The following GOLGA4 variants were observed in gnomAD, a reference collection of about 807,000 sequenced individuals.
GOLGA4 encodes golgin subfamily A member 4.
GOLGA4 carries 169 observed loss-of-function variants against 265.9 expected under a neutral mutation model. The observed-to-expected ratio is 0.64, with a 90% confidence interval of 0.56 to 0.72. The LOEUF (loss-of-function observed/expected upper bound fraction) is 0.72. Among genes scored for constraint, GOLGA4 ranks in the 30% least tolerant of loss-of-function variants. The probability of loss-of-function intolerance (pLI) is 0.00; values close to 1 mark genes in which losing one functional copy is unlikely to be tolerated. For missense variants in GOLGA4, 2,482 were observed against 2,483.4 expected (o/e 1.00, Z 0.01); for synonymous variants, 923 against 855.8 (o/e 1.08, Z -1.37).
intron 2 of GOLGA4, among the ~76,000 whole-genome samples, chr3:37,257,036 T>C (rs2096750775): frequency 6.6e-6 from 1 of 152,158 alleles, no homozygotes; most frequent in Non-Finnish European, 1.5e-5. Context: ...AACATTTCCA[T>C]CACCCCAAAA....
In GOLGA4 at chr3:37,289,311, A is replaced by T; in HGVS notation, c.582+20A>T. The T allele has an allele frequency of 7.0e-7, 1 of 1,422,702 alleles. No individual in the cohort carries two copies. The highest frequency in any genetic ancestry group is 9.9e-7 in the Non-Finnish European group (1 of 1,013,686). The allele number at this position is 1,422,702 out of a possible 1,614,324, so 88.1% of individuals were successfully genotyped here. ...AGAGAGGTAAGTTTCAGTGATGAGT[A>T]CTTTGAAAATAGTAATTAAATCTCA... On this transcript the variant is annotated intron_variant, in intron 5 of 23. Transcript: ENST00000361924.
rs943481698 is a variant in GOLGA4 at position 37,243,291 on chromosome 3, C to T, written c.-260C>T. 26 of 538,152 alleles carry T rather than the reference C, an allele frequency of 4.8e-5. No homozygotes were observed. Among genetic ancestry groups the T allele is most frequent in the South Asian group, 2.1e-4 (9 of 43,242 alleles). 33.3% of individuals were successfully genotyped at this position (538,152 alleles called of 1,614,324 possible). A position where few individuals can be genotyped will look rare whatever the true frequency, so the allele number is the denominator to read the frequency against. The stretch of plus-strand genomic sequence containing the variant: ...CGCACAGTTCACCTGCTGCCGTTGT[C>T]GTCGCCGCCGCGGCTCCCGGGGCTG... On this transcript the variant is annotated 5_prime_UTR_variant, in exon 1 of 24. Coordinates refer to ENST00000361924, the MANE Select transcript of GOLGA4 (RefSeq NM_002078.5).
chr3:37,323,481 G>A (rs2096961051), intron 13 of GOLGA4, 107 bp from the exon 14 acceptor site: 1 of 660,284 alleles, frequency 1.5e-6, no homozygotes, highest in South Asian at 2.3e-5. Flanking sequence ...CTAGTGTTTG[G>A]TATGATAATT....
At chr3:37,349,663 CT>C (rs1344599190) in intron 21 of GOLGA4, among the ~76,000 whole-genome samples, 2 of 152,102 alleles carry the variant, frequency 1.3e-5, no homozygotes, top group Non-Finnish European at 2.9e-5. Context: ...AAGATCAGAG[CT>C]GTTTTTAGAC....
intron 1 of GOLGA4, among the ~76,000 whole-genome samples, chr3:37,247,904 T>C (rs1420232167): frequency 6.6e-6 from 1 of 152,208 alleles, no homozygotes; most frequent in African/African-American, 2.4e-5. Flanking sequence ...CAGAAGTACG[T>C]CCCTCTGCCC....
At chr3:37,286,138 CTTTTTT>C (rs71094903) in intron 4 of GOLGA4, 77 bp downstream of exon 4, 67 of 225,672 alleles carry the variant, frequency 3.0e-4, no homozygotes, top group South Asian at 7.2e-4. Flanking sequence ...ATATTTCTTT[CTTTTTT>C]TTTTTTTTTT....
At position 37,260,893 on chromosome 3, in the gene GOLGA4, G is replaced by A. The variant is rs140674811; in HGVS notation, c.162+9409G>A. On this transcript the variant is annotated intron_variant, in intron 2 of 23. Coordinates refer to ENST00000361924, the MANE Select transcript of GOLGA4 (RefSeq NM_002078.5). The stretch of plus-strand genomic sequence containing the variant: ...ATGGGAAAGGACTGCTAGGCTGGAT[G>A]TGGTGGCTCACACCTGTAATCCCGG... Among the ~76,000 whole-genome samples, 675 of 152,092 alleles carry A rather than the reference G, an allele frequency of 4.4e-3. 3 individuals carry two copies. Among genetic ancestry groups the A allele is most frequent in the African/African-American group, 0.015 (638 of 41,476 alleles).
At chr3:37,345,933 C>T (rs1224308594) in intron 20 of GOLGA4, among the ~76,000 whole-genome samples, 1 of 148,122 alleles carries the variant, frequency 6.8e-6, no homozygotes, top group Non-Finnish European at 1.5e-5. Flanking sequence ...GGCGACAGAG[C>T]GAGACTCCAT....
At chr3:37,365,880 A>G (rs1213299089) in intron 23 of GOLGA4, among the ~76,000 whole-genome samples, 200 bp from the exon 24 acceptor site, 2 of 148,440 alleles carry the variant, frequency 1.3e-5, no homozygotes, top group African/African-American at 5.0e-5. Flanking sequence ...TGATTCTCCC[A>G]TCTTGGCCTC....
chr3:37,362,905 C>G (rs903014121), intron 23 of GOLGA4, among the ~76,000 whole-genome samples: 1 of 151,204 alleles, frequency 6.6e-6, no homozygotes, highest in African/African-American at 2.4e-5. Flanking sequence ...CCCTCAGCCT[C>G]CTGAGTAGCT....
At chr3:37,334,920 T>G (rs975365160) in intron 16 of GOLGA4, 133 bp from the exon 17 acceptor site, 27 of 577,188 alleles carry the variant, frequency 4.7e-5, no homozygotes, top group African/African-American at 7.5e-5. Flanking sequence ...CTCAAAAACT[T>G]AAATGTTTAT....
intron 11 of GOLGA4, among the ~76,000 whole-genome samples, chr3:37,317,261 C>G (rs2096940370): frequency 6.6e-6 from 1 of 152,160 alleles, no homozygotes; most frequent in African/African-American, 2.4e-5. Context: ...CCTCCGCCCC[C>G]CACGTTCAAG....
chr3:37,260,919 C>A (rs969075373), intron 2 of GOLGA4, among the ~76,000 whole-genome samples: 1 of 151,332 alleles, frequency 6.6e-6, no homozygotes, highest in African/African-American at 2.4e-5. Context: ...GTAATCCCGG[C>A]AATTTGGGAG....
intron 13 of GOLGA4, among the ~76,000 whole-genome samples, chr3:37,322,166 C>T (rs1487346521): frequency 6.6e-6 from 1 of 152,158 alleles, no homozygotes; most frequent in East Asian, 1.9e-4. Flanking sequence ...ATTGCATACT[C>T]ACCCTTGATG....
intron 2 of GOLGA4, among the ~76,000 whole-genome samples, chr3:37,257,949 GTATGTATATA>G (rs2096755213): frequency 1.1e-5 from 1 of 94,432 alleles, no homozygotes; most frequent in African/African-American, 5.1e-5. Flanking sequence ...ACATATATAT[GTATGTATATA>G]TGTATATATA....
intron 22 of GOLGA4, 125 bp from the exon 23 acceptor site, chr3:37,361,118 G>A: frequency 2.8e-6 from 2 of 721,018 alleles, no homozygotes; most frequent in Non-Finnish European, 5.0e-6. Context: ...CCTTGATTTG[G>A]GGAGATTTGA....
chr3:37,335,220 GTGATT>G (rs752576844), intron 17 of GOLGA4, 54 bp downstream of exon 17: 36 of 919,512 alleles, frequency 3.9e-5, no homozygotes, highest in Non-Finnish European at 6.0e-5. Context: ...TGTCATTTCT[GTGATT>G]TGACTAGCCT....
Position 37,315,566 on chromosome 3 carries a change from C to T in GOLGA4, c.1381C>T (p.Arg461Trp), listed in dbSNP as rs768320250. 14 of 1,613,472 alleles carry T rather than the reference C, an allele frequency of 8.7e-6. No individual in the cohort carries two copies. The South Asian group carries it at 8.8e-5, about 10-fold the overall frequency. ...CATCAGTCTTCAACAGGAATTAAGT[C>T]GGGTGAAACAGGAGGTTGTTGATGT... ...ERISLQQELS[R>W]VKQEVVDVMK... is the part of the protein sequence containing the mutation. Residue 461 changes from arginine (R) to tryptophan (W), a missense_variant, in exon 11 of 24, where the codon CGG (arginine) becomes TGG (tryptophan). Around this residue, in one of 3 missense-constraint regions of GOLGA4, gnomAD observed 1,536 missense variants for 1,483.7 expected, o/e 1.04. Transcript: ENST00000361924.
chr3:37,275,362 C>T (rs1004183118), intron 2 of GOLGA4, among the ~76,000 whole-genome samples: 1 of 152,058 alleles, frequency 6.6e-6, no homozygotes, highest in East Asian at 1.9e-4. Context: ...TGGGAACAGC[C>T]CAAGTCCCTG....
Sources: gnomAD v4.1 joint callset for allele counts (sites outside exome capture counted in the v4.1 genomes callset) on GRCh38, gnomAD v4.1.1 for gene constraint, gnomAD v4.1.1 regional missense constraint, MANE v1.5 for transcripts, NCBI Gene and HGNC (gene_info 2026-07-23, HGNC 2026-07-21) for gene names.